The following DRC1 variants were observed in gnomAD, a reference collection of about 807,000 sequenced individuals.
DRC1 encodes the protein dynein regulatory complex protein 1.
DRC1 carries 74 observed loss-of-function variants against 98.7 expected under a neutral mutation model. The observed-to-expected ratio is 0.75, with a 90% CI of 0.62 to 0.91. The LOEUF (loss-of-function observed/expected upper bound fraction) is 0.91. DRC1 is among the 40% of genes least tolerant of loss of function. DRC1 has a pLI of 0.00. For missense variants in DRC1, 875 were observed against 886.0 expected (o/e 0.99, Z 0.16); for synonymous variants, 336 against 334.1 (o/e 1.01, Z -0.06).
chr2:26,446,077 G>C (rs1243029389), intron 10 of DRC1, among the ~76,000 whole-genome samples: 1 of 150,050 alleles, frequency 6.7e-6, no homozygotes, highest in Non-Finnish European at 1.5e-5. Context: ...GGATCCCCTG[G>C]TCCTTTCAAA....
chr2:26,420,999 A>G (rs909325962), intron 2 of DRC1, among the ~76,000 whole-genome samples: 1 of 143,090 alleles, frequency 7.0e-6, no homozygotes, highest in African/African-American at 3.0e-5. Context: ...CCTGACCTCA[A>G]ATGCTCCACC....
chr2:26,427,766 T>C (rs1420519409), intron 4 of DRC1, among the ~76,000 whole-genome samples: 1 of 152,230 alleles, frequency 6.6e-6, no homozygotes, highest in East Asian at 1.9e-4. Context: ...TTCTACTTTC[T>C]ATCTCCACGA....
At chr2:26,428,852 C>G (rs529878890) in intron 4 of DRC1, among the ~76,000 whole-genome samples, 7 of 152,182 alleles carry the variant, frequency 4.6e-5, no homozygotes, top group Admixed American at 3.9e-4. Context: ...TATATGTGGT[C>G]CATCATGGAC....
chr2:26,430,779 G>C lies in DRC1; in HGVS notation c.679-7G>C, dbSNP rs1220207820. 1 of 1,613,678 alleles carries C rather than the reference G, an allele frequency of 6.2e-7. No homozygotes were observed. Among genetic ancestry groups the C allele is most frequent in the Non-Finnish European group, 8.5e-7 (1 of 1,179,862 alleles). On this transcript the variant is annotated splice_polypyrimidine_tract_variant and splice_region_variant and intron_variant, in intron 5 of 16. Coordinates refer to ENST00000288710, the MANE Select transcript of DRC1 (RefSeq NM_145038.5). ...GATGCAAGAGTGTTTTTCCTTCTTGGTCGTAGAAAGCATTTGAGGTGGAAC... is the reference window on the plus strand; with the variant it reads ...GATGCAAGAGTGTTTTTCCTTCTTGCTCGTAGAAAGCATTTGAGGTGGAAC...
chr2:26,417,660 A>G (rs1678854618), intron 2 of DRC1, among the ~76,000 whole-genome samples: 1 of 152,186 alleles, frequency 6.6e-6, no homozygotes, highest in Non-Finnish European at 1.5e-5. Context: ...TATACATTTT[A>G]GAATCAGCTT....
At chr2:26,441,783 G>T (rs936328281) in intron 8 of DRC1, among the ~76,000 whole-genome samples, 3 of 152,186 alleles carry the variant, frequency 2.0e-5, no homozygotes, top group Non-Finnish European at 4.4e-5. Context: ...GCTGAGAGAT[G>T]AGTGGAATCT....
At chr2:26,434,447 T>G (rs1458040416) in intron 7 of DRC1, among the ~76,000 whole-genome samples, 1 of 152,236 alleles carries the variant, frequency 6.6e-6, no homozygotes, top group African/African-American at 2.4e-5. Flanking sequence ...ATGTTCAGCT[T>G]AAACTTAGGG....
intron 4 of DRC1, among the ~76,000 whole-genome samples, chr2:26,427,318 G>A (rs1388251377): frequency 2.6e-5 from 4 of 151,938 alleles, no homozygotes; most frequent in South Asian, 4.2e-4. Flanking sequence ...ATTTCACCAC[G>A]TTGCCAAGTC....
chr2:26,450,783 G>A, intron 13 of DRC1, 102 bp downstream of exon 13: 2 of 1,015,170 alleles, frequency 2.0e-6, no homozygotes, highest in Non-Finnish European at 2.7e-6. Context: ...AGAACATGCA[G>A]GTTTGTTACA....
At chr2:26,411,383 TA>T (rs1453616132) in intron 1 of DRC1, among the ~76,000 whole-genome samples, 1 of 152,216 alleles carries the variant, frequency 6.6e-6, no homozygotes, top group Non-Finnish European at 1.5e-5. Context: ...ATATTGCAAA[TA>T]TTTTTTGTTC....
chr2:26,433,739 G>T (rs1370917027), intron 7 of DRC1, among the ~76,000 whole-genome samples: 1 of 152,162 alleles, frequency 6.6e-6, no homozygotes, highest in Non-Finnish European at 1.5e-5. Flanking sequence ...GAAGTGGTGG[G>T]CAGGGAGGCA....
chr2:26,428,498 A>G (rs1254162214), intron 4 of DRC1, among the ~76,000 whole-genome samples: 1 of 152,246 alleles, frequency 6.6e-6, no homozygotes, highest in Admixed American at 6.5e-5. Context: ...GAAAAGGCAC[A>G]GTAAAAATAC....
intron 1 of DRC1, among the ~76,000 whole-genome samples, chr2:26,408,406 C>T (rs565572544): frequency 8.5e-5 from 13 of 152,236 alleles, no homozygotes; most frequent in Admixed American, 3.9e-4. Context: ...GGCACTTCAG[C>T]CTTCATATTC....
chr2:26,454,815 G>A lies in DRC1; in HGVS notation c.2063+25G>A. The A allele has an allele frequency of 1.9e-6, 3 of 1,613,688 alleles. No homozygotes were observed. Among genetic ancestry groups the A allele is most frequent in the Non-Finnish European group, 2.5e-6 (3 of 1,179,772 alleles). ...AGTAAGTGTGCATGTCATGGAGCAG[G>A]AGGGTGCTGGCGGGCAGGTGAGGAA... On this transcript the variant is annotated intron_variant, in intron 15 of 16. Coordinates refer to ENST00000288710, the MANE Select transcript of DRC1 (RefSeq NM_145038.5). This position sits in a 1 kb window ranked among gnomAD's most constrained non-coding sequence, Gnocchi z 5.2.
Position 26,440,520 on chromosome 2 carries a change from A to G in DRC1, c.1028+3A>G. 6.2e-7 allele frequency: 1 copy of G among 1,609,704 alleles called. No homozygotes were observed. The highest frequency in any genetic ancestry group is 8.5e-7 in the Non-Finnish European group (1 of 1,177,522). On this transcript the variant is annotated splice_donor_region_variant and intron_variant, in intron 8 of 16. Coordinates refer to ENST00000288710, the MANE Select transcript of DRC1 (RefSeq NM_145038.5). The stretch of plus-strand genomic sequence containing the variant: ...CAGCAGAAGAGGAAGATCAATCGGT[A>G]AGCTAGCATGCAGAGCGTCTTTCTT...
At chr2:26,450,910 T>G (rs117530564) in intron 13 of DRC1, among the ~76,000 whole-genome samples, 13,117 of 91,386 alleles carry the variant, frequency 0.14, 617 homozygotes, top group African/African-American at 0.25. Flanking sequence ...CCCGGTGTGT[T>G]ATGTTTCCCT....
At chr2:26,412,347 A>C (rs1335623841) in intron 1 of DRC1, among the ~76,000 whole-genome samples, 5 of 152,162 alleles carry the variant, frequency 3.3e-5, no homozygotes, top group Non-Finnish European at 7.4e-5. Flanking sequence ...CAGCCTGGGC[A>C]ACAAGAGCGA....
chr2:26,421,406 G>A lies in DRC1; in HGVS notation c.356+6G>A. ...GAGGAGATAAAGCGTCAAAGGTAAG[G>A]ACTGTGCTACTCTGCAGCTGGTGGA... On this transcript the variant is annotated splice_donor_region_variant and intron_variant, in intron 3 of 16. Coordinates refer to ENST00000288710, the MANE Select transcript of DRC1 (RefSeq NM_145038.5). 6.2e-7 allele frequency: 1 copy of A among 1,611,296 alleles called. No individual in the cohort carries two copies. The highest frequency in any genetic ancestry group is 8.5e-7 in the Non-Finnish European group (1 of 1,177,978).
chr2:26,450,154 A>G, intron 12 of DRC1, 69 bp downstream of exon 12: 1 of 1,484,674 alleles, frequency 6.7e-7, no homozygotes. Flanking sequence ...TGGCCCTGCC[A>G]TTGCCTCAAC....
Sources: allele counts gnomAD v4.1 joint callset (sites outside exome capture counted in the v4.1 genomes callset), GRCh38; gene constraint gnomAD v4.1.1; non-coding constraint Gnocchi (gnomAD v3.1); transcripts MANE v1.5; gene names NCBI Gene and HGNC (gene_info 2026-07-23, HGNC 2026-07-21).